The following TMEM232 variants were observed in gnomAD, a reference collection of about 807,000 sequenced individuals.
TMEM232 encodes the protein transmembrane protein 232.
In TMEM232, 80 loss-of-function variants were observed where a neutral mutation model predicts 78.8. The ratio of observed to expected loss-of-function variants is 1.01; its 90% CI spans 0.85 to 1.22. The LOEUF (loss-of-function observed/expected upper bound fraction) is 1.22. TMEM232 is among the 50% of genes most tolerant of loss of function. The pLI is 0.00. For synonymous variants in TMEM232, 297 were observed against 254.3 expected, an observed-to-expected ratio of 1.17 and a Z score of -1.60; for missense variants, 881 against 742.2, an observed-to-expected ratio of 1.19 and a Z score of -2.17.
At chr5:110,728,100 C>T (rs1798331743), upstream of TMEM232, among the ~76,000 whole-genome samples, 1 of 151,980 alleles carries the variant, frequency 6.6e-6, no homozygotes, top group Admixed American at 6.6e-5. Flanking sequence ...ATAAAAAATT[C>T]TTCTCCATAA....
chr5:110,514,394 GAATTA>G (rs1447147655), intron 12 of TMEM232, among the ~76,000 whole-genome samples: 1 of 151,664 alleles, frequency 6.6e-6, no homozygotes, highest in Non-Finnish European at 1.5e-5. Flanking sequence ...ATCTTACTAA[GAATTA>G]AATATTATAT....
At chr5:110,401,987 T>C (rs1055488312) in intron 2 of TMEM232, among the ~76,000 whole-genome samples, 3 of 152,168 alleles carry the variant, frequency 2.0e-5, no homozygotes, top group East Asian at 3.9e-4. Context: ...TTACCTGTCA[T>C]TGCACTGGCA....
chr5:110,654,911 T>C (rs1788822080), intron 2 of TMEM232, among the ~76,000 whole-genome samples: 1 of 152,126 alleles, frequency 6.6e-6, no homozygotes, highest in Non-Finnish European at 1.5e-5. Context: ...TTTGAAGAAA[T>C]TGTGAATGGG....
chr5:110,461,304 T>C (rs1351452067), intron 12 of TMEM232, among the ~76,000 whole-genome samples: 2 of 152,088 alleles, frequency 1.3e-5, no homozygotes, highest in South Asian at 2.1e-4. Flanking sequence ...AAAGTTTTCA[T>C]GGTCTGGATA....
chr5:110,725,450 C>T (rs1354510349), intron 1 of TMEM232: 2 of 152,142 alleles, frequency 1.3e-5, no homozygotes, highest in Non-Finnish European at 2.9e-5. Flanking sequence ...CAATGAACTT[C>T]AAGACAGGAA....
chr5:110,528,614 T>C lies in TMEM232; in HGVS notation c.1677A>G (p.Lys559=), dbSNP rs1284209860. 3.3e-6 allele frequency: 5 copies of C among 1,531,286 alleles called. No individual in the cohort carries two copies. The highest frequency in any genetic ancestry group is 3.5e-6 in the Non-Finnish European group (4 of 1,144,576). The allele number at this position is 1,531,286 out of a possible 1,614,324, so 94.9% of individuals were successfully genotyped here. A position where few individuals can be genotyped will look rare whatever the true frequency, so the allele number is the denominator to read the frequency against. Residue 559 remains lysine (K), a synonymous_variant, in exon 12 of 14, where the codon AAA becomes AAG. Coordinates refer to ENST00000455884, the MANE Select transcript of TMEM232 (RefSeq NM_001039763.4). ...TTACAGTGAAATGTAGAACTTGCTT[T>C]TTCACAGACTCCAGCTTTTTATTTG... ...KYPNKKLESV[K]KQVLHFTVRE...
chr5:110,697,668 C>T (rs994144020), intron 1 of TMEM232, among the ~76,000 whole-genome samples: 6 of 152,200 alleles, frequency 3.9e-5, no homozygotes, highest in Admixed American at 3.3e-4. Flanking sequence ...CAAAAGAAGA[C>T]ATTTATGCAG....
At chr5:110,411,163 G>A (rs184954979) in intron 2 of TMEM232, among the ~76,000 whole-genome samples, 1 of 152,096 alleles carries the variant, frequency 6.6e-6, no homozygotes, top group Non-Finnish European at 1.5e-5. Context: ...TGCTGTAGGG[G>A]CAGCTTATCT....
rs555276140 is a variant in TMEM232 at position 110,563,889 on chromosome 5, A to G, written c.1455+4558T>C. 7.2e-5 allele frequency among the ~76,000 whole-genome samples: 11 copies of G among 152,158 alleles called. No homozygotes were observed. The South Asian group carries it at 2.3e-3, about 32-fold the overall frequency. On this transcript the variant is annotated intron_variant, in intron 11 of 13. Transcript: ENST00000455884. ...GGCAGCTCTGTGATTGTCTTTTTCC[A>G]AGAAAAAAATAAAATAACTGGAGAA...
intron 10 of TMEM232, among the ~76,000 whole-genome samples, chr5:110,569,637 TAGA>T (rs1776716640): frequency 6.6e-6 from 1 of 151,850 alleles, no homozygotes; most frequent in African/African-American, 2.4e-5. Context: ...TGAATAAAGA[TAGA>T]AGAACAACAT....
intron 12 of TMEM232, among the ~76,000 whole-genome samples, chr5:110,491,312 C>T (rs1345267835): frequency 2.6e-5 from 4 of 151,684 alleles, no homozygotes; most frequent in Admixed American, 6.6e-5. Context: ...TTAAAAAGAC[C>T]GATAATAACA....
intron 2 of TMEM232, among the ~76,000 whole-genome samples, chr5:110,661,082 C>T (rs1030530725): frequency 1.8e-4 from 28 of 152,078 alleles, no homozygotes; most frequent in African/African-American, 6.5e-4. Flanking sequence ...GTGACAATAG[C>T]GGTATTTGTC....
chr5:110,555,399 G>T (rs559212456), intron 11 of TMEM232, among the ~76,000 whole-genome samples: 1 of 152,230 alleles, frequency 6.6e-6, no homozygotes, highest in South Asian at 2.1e-4. Context: ...CTTTTAATTT[G>T]TTGAGAATTG....
chr5:110,552,403 T>A (rs970956510), intron 11 of TMEM232, among the ~76,000 whole-genome samples: 1 of 152,018 alleles, frequency 6.6e-6, no homozygotes, highest in African/African-American at 2.4e-5. Flanking sequence ...GTAATATGCA[T>A]CAAAAATTAC....
chr5:110,469,891 C>T (rs1762484513), intron 12 of TMEM232, among the ~76,000 whole-genome samples: 1 of 152,066 alleles, frequency 6.6e-6, no homozygotes, highest in Admixed American at 6.6e-5. Flanking sequence ...ACTCTGCTTC[C>T]CTGAAGTTGG....
chr5:110,465,021 T>C (rs574854499), intron 12 of TMEM232, among the ~76,000 whole-genome samples: 1 of 152,234 alleles, frequency 6.6e-6, no homozygotes, highest in Non-Finnish European at 1.5e-5. Context: ...TACATCCTTA[T>C]AAACAGACAC....
chr5:110,671,238 G>C (rs1226787461), intron 1 of TMEM232, among the ~76,000 whole-genome samples: 1 of 152,172 alleles, frequency 6.6e-6, no homozygotes, highest in Non-Finnish European at 1.5e-5. Context: ...TCATTAAAAA[G>C]TCTGGAAACA....
chr5:110,658,076 A>C (rs1056083342), intron 2 of TMEM232, among the ~76,000 whole-genome samples: 6 of 152,252 alleles, frequency 3.9e-5, no homozygotes, highest in African/African-American at 1.4e-4. Flanking sequence ...TAACAATCTG[A>C]AGGGAATAAA....
intron 11 of TMEM232, among the ~76,000 whole-genome samples, chr5:110,531,768 A>C (rs1771519515): frequency 6.6e-6 from 1 of 152,148 alleles, no homozygotes. Flanking sequence ...ATCAAATATA[A>C]AAACCCAGCC....
Sources: allele counts gnomAD v4.1 joint callset (sites outside exome capture counted in the v4.1 genomes callset), GRCh38; gene constraint gnomAD v4.1.1; transcripts MANE v1.5; gene names NCBI Gene and HGNC (gene_info 2026-07-23, HGNC 2026-07-21).